Variants in ROBO2 observed in about 807,000 individuals in gnomAD.
ROBO2 encodes the protein roundabout guidance receptor 2.
A neutral mutation model predicts 160.8 loss-of-function variants in ROBO2; 53 were observed. The ratio of observed to expected loss-of-function variants is 0.33; its 90% CI spans 0.26 to 0.41. The LOEUF (loss-of-function observed/expected upper bound fraction) is 0.41. ROBO2 is among the 10% of genes least tolerant of loss of function. The pLI is 1.00. For missense variants in ROBO2, 1,577 were observed against 1,722.4 expected, an observed-to-expected ratio of 0.92 and a Z score of 1.49; for synonymous variants, 664 against 611.7, an observed-to-expected ratio of 1.09 and a Z score of -1.26.
At chr3:76,828,593 T>C (rs992330084) in intron 2 of ROBO2, among the ~76,000 whole-genome samples, 2 of 152,154 alleles carry the variant, frequency 1.3e-5, no homozygotes, top group African/African-American at 4.8e-5. Context: ...AGTTCATTCA[T>C]GGAGTCTTAG....
chr3:77,629,786 C>T (rs914940126), intron 23 of ROBO2: 1 of 152,100 alleles, frequency 6.6e-6, no homozygotes, highest in African/African-American at 2.4e-5. Context: ...CAAATAATGT[C>T]ATACACAGAA....
chr3:77,418,150 T>C (rs929441245), intron 2 of ROBO2, among the ~76,000 whole-genome samples: 2 of 134,190 alleles, frequency 1.5e-5, no homozygotes, highest in African/African-American at 5.3e-5. Flanking sequence ...TTTTTTTACC[T>C]ACAGAAAAGT....
intron 2 of ROBO2, among the ~76,000 whole-genome samples, chr3:77,408,537 A>G (rs2076439563): frequency 6.6e-6 from 1 of 152,172 alleles, no homozygotes; most frequent in East Asian, 1.9e-4. Context: ...ACATTTATAA[A>G]AGGGGGAACT....
chr3:76,621,719 A>G (rs189707776), intron 2 of ROBO2, among the ~76,000 whole-genome samples: 47 of 152,356 alleles, frequency 3.1e-4, no homozygotes, highest in Non-Finnish European at 5.3e-4. Flanking sequence ...TAGGTACCAC[A>G]TAAGTACTTG....
At chr3:75,937,473 A>G (rs757372424) in intron 1 of ROBO2, 2 of 1,484,514 alleles carry the variant, frequency 1.3e-6, no homozygotes, top group East Asian at 2.4e-5. Context: ...ACCCCACTCA[A>G]TATGCAGAGT....
intron 2 of ROBO2, among the ~76,000 whole-genome samples, chr3:76,806,106 G>A (rs2064683674): frequency 1.3e-5 from 2 of 151,652 alleles, no homozygotes; most frequent in South Asian, 2.1e-4. Context: ...GATTATGACT[G>A]TCTACAGTTC....
chr3:77,356,044 C>A (rs1404018300), intron 2 of ROBO2, among the ~76,000 whole-genome samples: 1 of 152,098 alleles, frequency 6.6e-6, no homozygotes, highest in Non-Finnish European at 1.5e-5. Flanking sequence ...CCACATCTGG[C>A]AATCCATTCT....
chr3:77,232,378 C>G (rs1473430981), intron 2 of ROBO2, among the ~76,000 whole-genome samples: 2 of 151,640 alleles, frequency 1.3e-5, no homozygotes, highest in Non-Finnish European at 2.9e-5. Context: ...TCTATAAAGT[C>G]CTGAGTAGAG....
intron 2 of ROBO2, among the ~76,000 whole-genome samples, chr3:77,381,524 G>A (rs2073466348): frequency 6.6e-6 from 1 of 152,104 alleles, no homozygotes; most frequent in Non-Finnish European, 1.5e-5. Flanking sequence ...TTAAATTATA[G>A]CTTCTAAACT....
chr3:76,989,213 T>C, intron 2 of ROBO2, among the ~76,000 whole-genome samples: 1 of 152,148 alleles, frequency 6.6e-6, no homozygotes, highest in East Asian at 1.9e-4. Context: ...GAAATATTTA[T>C]GGTGAATGTA....
At chr3:76,762,333 TA>T (rs1418190981) in intron 2 of ROBO2, among the ~76,000 whole-genome samples, 1 of 151,548 alleles carries the variant, frequency 6.6e-6, no homozygotes, top group Non-Finnish European at 1.5e-5. Context: ...CAAATTTGTA[TA>T]AAAAATACAA....
At chr3:76,837,683 G>A (rs2067831186) in intron 2 of ROBO2, among the ~76,000 whole-genome samples, 1 of 151,678 alleles carries the variant, frequency 6.6e-6, no homozygotes, top group African/African-American at 2.4e-5. Flanking sequence ...TTTGCAGCTT[G>A]CAAACAGCAA....
At chr3:77,531,411 T>G (rs757806257) in intron 6 of ROBO2, among the ~76,000 whole-genome samples, 7,350 of 152,020 alleles carry the variant, frequency 0.048, 222 homozygotes, top group Non-Finnish European at 0.071. Context: ...CATTTTTTTT[T>G]TAATGTTTCA....
At chr3:76,988,256 C>T (rs1178578455) in intron 2 of ROBO2, among the ~76,000 whole-genome samples, 1 of 152,116 alleles carries the variant, frequency 6.6e-6, no homozygotes, top group Non-Finnish European at 1.5e-5. Context: ...CATGTCTTCC[C>T]AGCTGTGGTT....
At chr3:77,052,276 A>T (rs1038161891) in intron 1 of ROBO2, among the ~76,000 whole-genome samples, 2 of 152,154 alleles carry the variant, frequency 1.3e-5, no homozygotes, top group African/African-American at 4.8e-5. Context: ...TTTACCAATG[A>T]TGCTTTCTTT....
chr3:76,483,219 A>T (rs937765596), intron 2 of ROBO2, among the ~76,000 whole-genome samples: 1 of 151,980 alleles, frequency 6.6e-6, no homozygotes, highest in Admixed American at 6.6e-5. Flanking sequence ...ATATGATACC[A>T]CTATTTTATT....
intron 2 of ROBO2, among the ~76,000 whole-genome samples, chr3:75,989,210 C>G (rs2065497631): frequency 6.6e-6 from 1 of 151,984 alleles, no homozygotes; most frequent in Non-Finnish European, 1.5e-5. Flanking sequence ...CTCCACCTCC[C>G]AGGTTCAAGC....
At chr3:76,049,210 C>T (rs2067560365) in intron 2 of ROBO2, among the ~76,000 whole-genome samples, 1 of 150,992 alleles carries the variant, frequency 6.6e-6, no homozygotes, top group African/African-American at 2.4e-5. Context: ...TTATCACAAG[C>T]ATTTTCTGTT....
chr3:76,224,940 T>C (rs1704193761), intron 2 of ROBO2, among the ~76,000 whole-genome samples: 1 of 152,196 alleles, frequency 6.6e-6, no homozygotes, highest in Admixed American at 6.5e-5. Flanking sequence ...TTAGAGTCAC[T>C]AATACACTTA....
Sources: allele counts gnomAD v4.1 joint callset (sites outside exome capture counted in the v4.1 genomes callset), GRCh38; gene constraint gnomAD v4.1.1; transcripts MANE v1.5; gene names NCBI Gene and HGNC (gene_info 2026-07-23, HGNC 2026-07-21).